The following YAP1 variants were observed in gnomAD, a reference collection of about 807,000 sequenced individuals.
YAP1 encodes the protein Yes1 associated transcriptional regulator, also known as transcriptional coactivator YAP1.
Under a neutral mutation model 56.9 loss-of-function variants are expected in YAP1, and 5 were observed. The observed-to-expected ratio is 0.09, with a 90% CI of 0.05 to 0.18. The LOEUF (loss-of-function observed/expected upper bound fraction) is 0.18. YAP1 is among the 10% of genes least tolerant of loss of function. The pLI is 1.00. For missense variants in YAP1, 539 were observed against 651.8 expected, an observed-to-expected ratio of 0.83 and a Z score of 1.88; for synonymous variants, 265 against 248.1, an observed-to-expected ratio of 1.07 and a Z score of -0.64.
chr11:102,211,791 C>T (rs1305419340), intron 6 of YAP1, among the ~76,000 whole-genome samples: 2 of 151,980 alleles, frequency 1.3e-5, no homozygotes, highest in African/African-American at 4.8e-5. Context: ...GCAACCTCCA[C>T]CTCCCAGGTT....
intron 4 of YAP1, among the ~76,000 whole-genome samples, chr11:102,190,367 A>AT (rs1234930919): frequency 6.6e-6 from 1 of 152,240 alleles, no homozygotes; most frequent in East Asian, 1.9e-4. Context: ...GCGGTGGCTC[A>AT]TGCCTGTAAT....
At chr11:102,118,066 A>G (rs574550858) in intron 2 of YAP1, among the ~76,000 whole-genome samples, 1 of 152,300 alleles carries the variant, frequency 6.6e-6, no homozygotes, top group South Asian at 2.1e-4. Context: ...CCTTATAACT[A>G]TTACCATGTT....
intron 3 of YAP1, among the ~76,000 whole-genome samples, chr11:102,166,897 C>T (rs563234825): frequency 2.0e-5 from 3 of 152,294 alleles, no homozygotes; most frequent in South Asian, 2.1e-4. Context: ...CCTCTAGACT[C>T]CCCAAACCTG....
rs117655081 is a variant in YAP1, at chr11:102,153,224, A to G, written c.573-9232A>G. ...GTTCCATCCCTTAAGCCATTTTCAT[A>G]GTTCATCTTTTGTGTAGCAGTTACA... On this transcript the variant is annotated intron_variant, in intron 2 of 8. Coordinates refer to ENST00000282441, the MANE Select transcript of YAP1 (RefSeq NM_001130145.3). Among the ~76,000 whole-genome samples the G allele has an allele frequency of 1.6e-3, 245 of 152,264 alleles. 9 individuals carry two copies. In the East Asian group the frequency reaches 0.041, roughly 25 times the overall value.
intron 2 of YAP1, among the ~76,000 whole-genome samples, chr11:102,162,034 G>A (rs967850090): frequency 8.5e-5 from 13 of 152,110 alleles, no homozygotes; most frequent in South Asian, 2.1e-4. Context: ...TTAAAAAGGC[G>A]TTTTAGGCCT....
intron 2 of YAP1, among the ~76,000 whole-genome samples, chr11:102,124,097 G>A (rs1043529878): frequency 3.3e-5 from 5 of 151,844 alleles, no homozygotes; most frequent in Non-Finnish European, 5.9e-5. Flanking sequence ...GATTACAGGC[G>A]TGTGCCACCA....
intron 5 of YAP1, 81 bp downstream of exon 5, chr11:102,206,155 T>A: frequency 6.7e-7 from 1 of 1,498,040 alleles, no homozygotes; most frequent in South Asian, 1.3e-5. Context: ...TTTTAACATT[T>A]ATTAGTTACA....
chr11:102,135,244 ATTTC>A (rs957570823), intron 2 of YAP1, among the ~76,000 whole-genome samples: 7 of 152,244 alleles, frequency 4.6e-5, no homozygotes, highest in Admixed American at 4.6e-4. Context: ...CTACATGTGT[ATTTC>A]TTTCAGTTAC....
chr11:102,165,405 GT>G (rs1946543463), intron 3 of YAP1, among the ~76,000 whole-genome samples: 1 of 152,054 alleles, frequency 6.6e-6, no homozygotes, highest in Non-Finnish European at 1.5e-5. Context: ...AATATGAAAT[GT>G]TTTAATATAT....
chr11:102,177,473 G>T (rs1408044248), intron 3 of YAP1, among the ~76,000 whole-genome samples: 2 of 152,050 alleles, frequency 1.3e-5, no homozygotes, highest in Non-Finnish European at 2.9e-5. Flanking sequence ...AAGGTCAAAA[G>T]ATCGAGACCA....
At chr11:102,193,057 T>C (rs112738868) in intron 4 of YAP1, among the ~76,000 whole-genome samples, 184 of 152,298 alleles carry the variant, frequency 1.2e-3, no homozygotes, top group Non-Finnish European at 2.1e-3. Context: ...TGATGCCTTG[T>C]TGGTACACTT....
intron 2 of YAP1, among the ~76,000 whole-genome samples, chr11:102,134,222 A>T (rs1435885461): frequency 1.3e-5 from 2 of 152,056 alleles, no homozygotes; most frequent in African/African-American, 4.8e-5. Flanking sequence ...CTCTCACTTT[A>T]TTTGCCATTG....
At chr11:102,116,067 ATGAT>A (rs754921752) in intron 2 of YAP1, among the ~76,000 whole-genome samples, 2 of 152,186 alleles carry the variant, frequency 1.3e-5, no homozygotes, top group Non-Finnish European at 2.9e-5. Flanking sequence ...TTTTGAATGA[ATGAT>A]CTTTTTTTGA....
intron 8 of YAP1, among the ~76,000 whole-genome samples, chr11:102,229,155 C>T (rs1950345811): frequency 6.6e-6 from 1 of 152,196 alleles, no homozygotes; most frequent in Admixed American, 6.5e-5. Flanking sequence ...GTTTGGGAAA[C>T]CTAGAAGCAA....
At chr11:102,207,223 C>A (rs1407407449) in intron 5 of YAP1, among the ~76,000 whole-genome samples, 1 of 152,016 alleles carries the variant, frequency 6.6e-6, no homozygotes, top group Non-Finnish European at 1.5e-5. Context: ...AAAATAAGAT[C>A]TTTTCCCTGT....
At chr11:102,177,086 T>C (rs1947306962) in intron 3 of YAP1, among the ~76,000 whole-genome samples, 1 of 151,986 alleles carries the variant, frequency 6.6e-6, no homozygotes, top group South Asian at 2.1e-4. Flanking sequence ...GAGAGAAGAG[T>C]TCCTGCAGGG....
intron 2 of YAP1, among the ~76,000 whole-genome samples, chr11:102,140,530 C>A (rs1403940498): frequency 3.3e-5 from 5 of 152,118 alleles, no homozygotes; most frequent in Non-Finnish European, 7.4e-5. Context: ...GGATGTCCCC[C>A]AGATTACTAG....
chr11:102,180,886 C>T (rs537626742), intron 3 of YAP1, among the ~76,000 whole-genome samples: 195 of 152,074 alleles, frequency 1.3e-3, no homozygotes, highest in Middle Eastern at 3.4e-3. Flanking sequence ...GTAGCTCGCA[C>T]CTGTAATCCC....
intron 2 of YAP1, among the ~76,000 whole-genome samples, chr11:102,137,930 C>T (rs147891956): frequency 0.024 from 3,709 of 152,084 alleles, 56 homozygotes; most frequent in Middle Eastern, 0.082. Flanking sequence ...CTCTGTCGCC[C>T]AGGCTGGCGT....
Sources: gnomAD v4.1 joint callset for allele counts (sites outside exome capture counted in the v4.1 genomes callset) on GRCh38, gnomAD v4.1.1 for gene constraint, MANE v1.5 for transcripts, NCBI Gene and HGNC (gene_info 2026-07-23, HGNC 2026-07-21) for gene names.